Variants in CNNM2 observed in about 807,000 individuals in gnomAD.
The protein encoded by CNNM2 is cyclin and CBS domain divalent metal cation transport mediator 2.
A neutral mutation model predicts 66.9 loss-of-function variants in CNNM2; 12 were observed. The observed-to-expected ratio is 0.18, with a 90% CI of 0.11 to 0.29. The LOEUF is 0.29. CNNM2 is among the 10% of genes least tolerant of loss of function. The probability of loss-of-function intolerance (pLI) is 1.00; values close to 1 mark genes in which losing one functional copy is unlikely to be tolerated. For synonymous variants in CNNM2, 557 were observed against 501.8 expected (o/e 1.11, Z -1.47); for missense variants, 705 against 1,167.7 (o/e 0.60, Z 5.77).
intron 1 of CNNM2, among the ~76,000 whole-genome samples, chr10:102,925,881 T>C (rs1012739748): frequency 6.6e-6 from 1 of 152,220 alleles, no homozygotes; most frequent in African/African-American, 2.4e-5. Flanking sequence ...GTGGTTAGAC[T>C]AGGAGGGTAT....
At chr10:103,046,155 G>T (rs1379922090) in intron 1 of CNNM2, among the ~76,000 whole-genome samples, 1 of 152,246 alleles carries the variant, frequency 6.6e-6, no homozygotes, top group African/African-American at 2.4e-5. Context: ...TCCTATTGCA[G>T]TAACAATTAT....
chr10:103,064,703 G>A (rs1290324131), intron 4 of CNNM2, among the ~76,000 whole-genome samples: 1 of 152,132 alleles, frequency 6.6e-6, no homozygotes, highest in Admixed American at 6.5e-5. Context: ...AGCTGGGCAT[G>A]GTGGTGCACA....
At chr10:102,940,798 T>C (rs1846405637) in intron 1 of CNNM2, among the ~76,000 whole-genome samples, 1 of 152,022 alleles carries the variant, frequency 6.6e-6, no homozygotes, top group Non-Finnish European at 1.5e-5. Context: ...CTTGGCTCAC[T>C]GAAACCTCCA....
At chr10:102,939,696 C>A (rs763550485) in intron 1 of CNNM2, among the ~76,000 whole-genome samples, 1 of 152,036 alleles carries the variant, frequency 6.6e-6, no homozygotes, top group African/African-American at 2.4e-5. Context: ...AAAGAACTGG[C>A]GGCCAGGCGC....
At chr10:103,020,178 A>G (rs1297866674) in intron 1 of CNNM2, among the ~76,000 whole-genome samples, 1 of 151,348 alleles carries the variant, frequency 6.6e-6, no homozygotes, top group Admixed American at 6.6e-5. Flanking sequence ...CGTCTGAGAC[A>G]GAGGCTTGCT....
chr10:102,918,357 AGTCAG>A lies in CNNM2; in HGVS notation c.-122_-118del, dbSNP rs576829658. The A allele has an allele frequency of 1.6e-5, 24 of 1,457,478 alleles. No individual in the cohort carries two copies. The East Asian group carries it at 6.1e-4, about 37-fold the overall frequency. The allele number at this position is 1,457,478 out of a possible 1,614,324, so 90.3% of individuals were successfully genotyped here. A position where few individuals can be genotyped will look rare whatever the true frequency, so the allele number is the denominator to read the frequency against. On this transcript the variant is annotated 5_prime_UTR_variant, in exon 1 of 8. Coordinates refer to ENST00000369878, the MANE Select transcript of CNNM2 (RefSeq NM_017649.5). This position sits in a 1 kb window ranked among gnomAD's most constrained non-coding sequence, Gnocchi z 4.1. ...AGCTGGCTGAGGTGGAGTCAGTGTC[AGTCAG>A]GGAGGCGAACTGCTGAGCACTGGCC...
intron 1 of CNNM2, among the ~76,000 whole-genome samples, chr10:102,975,174 A>G (rs1265085482): frequency 2.0e-5 from 3 of 152,194 alleles, no homozygotes; most frequent in Admixed American, 1.3e-4. Flanking sequence ...AGGTTGAACA[A>G]TCATTTGGCA....
At chr10:103,071,220 A>T (rs1161274023) in intron 5 of CNNM2, among the ~76,000 whole-genome samples, 2 of 152,218 alleles carry the variant, frequency 1.3e-5, no homozygotes, top group Non-Finnish European at 2.9e-5. Context: ...GGTGATGAGG[A>T]TGACTCTGGT....
intron 1 of CNNM2, among the ~76,000 whole-genome samples, chr10:102,965,077 G>C (rs1472573607): frequency 3.9e-5 from 6 of 152,146 alleles, no homozygotes; most frequent in African/African-American, 1.4e-4. Context: ...GCCTGCCCGC[G>C]CCTTGATCTT....
intron 1 of CNNM2, among the ~76,000 whole-genome samples, chr10:102,926,995 A>C (rs1037244516): frequency 6.6e-6 from 1 of 151,710 alleles, no homozygotes; most frequent in Non-Finnish European, 1.5e-5. Flanking sequence ...CTGGGATTAC[A>C]AGCATGAGAC....
intron 1 of CNNM2, among the ~76,000 whole-genome samples, chr10:102,978,618 T>A (rs2063673334): frequency 6.6e-6 from 1 of 152,190 alleles, no homozygotes; most frequent in East Asian, 1.9e-4. Context: ...CAGCAGTCAG[T>A]GATCTTTCAA....
intron 1 of CNNM2, among the ~76,000 whole-genome samples, chr10:103,012,703 G>C (rs1224938522): frequency 7.5e-6 from 1 of 133,806 alleles, no homozygotes; most frequent in Non-Finnish European, 1.6e-5. Context: ...TCTAATCCTT[G>C]ACAAATGAGT....
At chr10:102,979,837 A>G (rs1261786782) in intron 1 of CNNM2, among the ~76,000 whole-genome samples, 1 of 152,206 alleles carries the variant, frequency 6.6e-6, no homozygotes, top group Non-Finnish European at 1.5e-5. Flanking sequence ...ACAGGGCTTA[A>G]AATAGCAACT....
intron 1 of CNNM2, among the ~76,000 whole-genome samples, chr10:102,924,893 G>A (rs1241180692): frequency 6.6e-6 from 1 of 152,144 alleles, no homozygotes. Flanking sequence ...GTAATTTTGT[G>A]TGTTTTTAGA....
intron 1 of CNNM2, among the ~76,000 whole-genome samples, chr10:102,931,926 G>A (rs965904612): frequency 6.7e-6 from 1 of 149,374 alleles, no homozygotes; most frequent in African/African-American, 2.5e-5. Flanking sequence ...TTTCCTTAAT[G>A]ACTAATGAAG....
At chr10:103,030,719 A>G (rs1484297519) in intron 1 of CNNM2, among the ~76,000 whole-genome samples, 1 of 151,996 alleles carries the variant, frequency 6.6e-6, no homozygotes, top group Non-Finnish European at 1.5e-5. Flanking sequence ...GCAGGGGGGG[A>G]AGTCGATATT....
intron 1 of CNNM2, among the ~76,000 whole-genome samples, chr10:102,928,078 A>C (rs144638719): frequency 7.2e-5 from 11 of 152,288 alleles, no homozygotes; most frequent in African/African-American, 2.6e-4. Flanking sequence ...TTTAACCCTA[A>C]GTTTTTTTCA....
In CNNM2 at chr10:102,957,411, G is replaced by A. The variant is rs1195370010; in HGVS notation, c.1621+37310G>A. Among the ~76,000 whole-genome samples the A allele has an allele frequency of 4.6e-5, 7 of 152,228 alleles. No homozygotes were observed. In the East Asian group the frequency reaches 1.3e-3, roughly 29 times the overall value. On this transcript the variant is annotated intron_variant, in intron 1 of 7. Transcript: ENST00000369878. Reference sequence around the variant, plus strand: ...GGGATGGGAAAGCAAAGGTGAAGATGAGAGAACAATGGGAGTGGGGCTGGA... The same window carrying A: ...GGGATGGGAAAGCAAAGGTGAAGATAAGAGAACAATGGGAGTGGGGCTGGA...
At chr10:102,960,156 T>G (rs1325867768) in intron 1 of CNNM2, among the ~76,000 whole-genome samples, 1 of 152,128 alleles carries the variant, frequency 6.6e-6, no homozygotes, top group Non-Finnish European at 1.5e-5. Flanking sequence ...TGTGAAGAGC[T>G]CAGCACAGTG....
Sources: allele counts gnomAD v4.1 joint callset (sites outside exome capture counted in the v4.1 genomes callset), GRCh38; gene constraint gnomAD v4.1.1; non-coding constraint Gnocchi (gnomAD v3.1); transcripts MANE v1.5; gene names NCBI Gene and HGNC (gene_info 2026-07-23, HGNC 2026-07-21).